MARK4: variants seen among roughly 807,000 people sequenced by gnomAD.
The protein encoded by MARK4 is MAP/microtubule affinity-regulating kinase 4.
In MARK4, 19 loss-of-function variants were observed where a neutral mutation model predicts 81.5. That is an observed-to-expected ratio of 0.23 (90% CI 0.16 to 0.34). MARK4 has a LOEUF of 0.34. Among genes scored for constraint, MARK4 ranks in the 10% least tolerant of loss-of-function variants. MARK4 has a pLI of 1.00. For synonymous variants in MARK4, 436 were observed against 439.0 expected (o/e 0.99, Z 0.08); for missense variants, 772 against 1,058.8 (o/e 0.73, Z 3.76).
chr19:45,256,858 T>C (rs936920677), intron 1 of MARK4, among the ~76,000 whole-genome samples: 7 of 152,248 alleles, frequency 4.6e-5, no homozygotes, highest in African/African-American at 1.4e-4. Flanking sequence ...TGTGCACAAT[T>C]TGTGTCTCTG....
At position 45,302,828 on chromosome 19, in the gene MARK4, A is replaced by G; in HGVS notation, c.*118A>G. 2.1e-6 allele frequency: 3 copies of G among 1,399,040 alleles called. No individual in the cohort carries two copies. The highest frequency in any genetic ancestry group is 1.4e-5 in the African/African-American group (1 of 69,294). The allele number at this position is 1,399,040 out of a possible 1,614,324, so 86.7% of individuals were successfully genotyped here. ...ATCATCACCTCAGTTTCCCTGAATTATATTTGGGGGCAAAGATTGTCCCCT... is the reference window on the plus strand; with the variant it reads ...ATCATCACCTCAGTTTCCCTGAATTGTATTTGGGGGCAAAGATTGTCCCCT... On this transcript the variant is annotated 3_prime_UTR_variant, in exon 17 of 17. Transcript: ENST00000262891. This position sits in a 1 kb window ranked among gnomAD's most constrained non-coding sequence, Gnocchi z 4.9.
At chr19:45,253,368 C>T (rs1015399679) in intron 1 of MARK4, among the ~76,000 whole-genome samples, 1 of 152,188 alleles carries the variant, frequency 6.6e-6, no homozygotes, top group African/African-American at 2.4e-5. Flanking sequence ...GCCAGGGGCT[C>T]CACAGTCCTG....
At chr19:45,273,434 G>A (rs1375296445) in intron 8 of MARK4, among the ~76,000 whole-genome samples, 1 of 152,198 alleles carries the variant, frequency 6.6e-6, no homozygotes, top group Non-Finnish European at 1.5e-5. Context: ...AAATACAGCA[G>A]TGGTATAATC....
intron 1 of MARK4, among the ~76,000 whole-genome samples, chr19:45,254,070 A>C (rs1435575420): frequency 6.6e-6 from 1 of 152,052 alleles, no homozygotes; most frequent in African/African-American, 2.4e-5. Flanking sequence ...GGGAGGTTGC[A>C]GCCCCCTCTC....
At chr19:45,257,414 C>CA (rs1970321400) in intron 1 of MARK4, among the ~76,000 whole-genome samples, 4 of 145,688 alleles carry the variant, frequency 2.7e-5, no homozygotes, top group Non-Finnish European at 6.0e-5. Flanking sequence ...GATGGAGTCC[C>CA]ACTCTGTCAC....
intron 1 of MARK4, among the ~76,000 whole-genome samples, chr19:45,256,632 G>A (rs1377682815): frequency 1.3e-5 from 2 of 152,328 alleles, no homozygotes; most frequent in Non-Finnish European, 1.5e-5. Flanking sequence ...TGGAGGAGGA[G>A]CCTCGAGTCC....
chr19:45,260,697 AAAAT>A lies in MARK4; in HGVS notation c.252+1530_252+1533del, dbSNP rs71173135. 5.4e-3 allele frequency among the ~76,000 whole-genome samples: 815 copies of A among 151,184 alleles called. 14 individuals carry two copies. The highest frequency in any genetic ancestry group is 0.018 in the African/African-American group (746 of 41,360). On this transcript the variant is annotated intron_variant, in intron 2 of 16. Coordinates refer to ENST00000262891, the MANE Select transcript of MARK4 (RefSeq NM_001199867.2). ...GGGTGACAGAGCAAGACCATCTCAA[AAAAT>A]AAATAAATAAATAAATAAATAGTAA...
chr19:45,297,684 C>G lies in MARK4; in HGVS notation c.1607C>G (p.Thr536Ser), dbSNP rs552947392. ...LPNGKENSSGTPRVPPASPSS... is the reference protein window; with the variant it reads ...LPNGKENSSGSPRVPPASPSS... ...TCTGTCTCTGCCCACAGCTCAGGCA[C>G]CCCACGGGTGCCCCCTGCCTCCCCC... Residue 536 changes from threonine (T) to serine (S), a missense_variant, in exon 15 of 17, where the codon ACC becomes AGC. Thr to Ser is a moderately conservative substitution (Grantham distance 58). Coordinates refer to ENST00000262891, the MANE Select transcript of MARK4 (RefSeq NM_001199867.2). 96 of 1,526,850 alleles carry G rather than the reference C, an allele frequency of 6.3e-5. No individual in the cohort carries two copies. The African/African-American group carries it at 1.1e-3, about 18-fold the overall frequency. The allele number at this position is 1,526,850 out of a possible 1,614,324, so 94.6% of individuals were successfully genotyped here.
chr19:45,298,214 C>G (rs1355723503), intron 15 of MARK4: 4 of 1,614,108 alleles, frequency 2.5e-6, no homozygotes, highest in Non-Finnish European at 3.4e-6. Context: ...CCCCAGGGAT[C>G]CAAGATCAGT....
chr19:45,303,028 C>A lies in MARK4; in HGVS notation c.*318C>A. 1 of 406,404 alleles carries A rather than the reference C, an allele frequency of 2.5e-6. No individual in the cohort carries two copies. The highest frequency in any genetic ancestry group is 4.4e-6 in the Non-Finnish European group (1 of 225,254). 25.2% of individuals were successfully genotyped at this position (406,404 alleles called of 1,614,324 possible). A position where few individuals can be genotyped will look rare whatever the true frequency, so the allele number is the denominator to read the frequency against. On this transcript the variant is annotated 3_prime_UTR_variant, in exon 17 of 17. Coordinates refer to ENST00000262891, the MANE Select transcript of MARK4 (RefSeq NM_001199867.2). ...AGGGAGGGAAACTGAGGAAATCTTC[C>A]ATTCCTCCCAACAGCTCAAAATTAG... is the stretch of plus-strand genomic sequence containing the variant.
chr19:45,280,181 T>C (rs1387891162), intron 10 of MARK4, 193 bp from the exon 11 acceptor site: 2 of 556,134 alleles, frequency 3.6e-6, no homozygotes, highest in Non-Finnish European at 6.4e-6. Context: ...AAACCCTGTC[T>C]CTACTGAAAA....
intron 13 of MARK4, among the ~76,000 whole-genome samples, 156 bp from the exon 14 acceptor site, chr19:45,294,193 C>G (rs1333659954): frequency 6.6e-6 from 1 of 152,148 alleles, no homozygotes; most frequent in African/African-American, 2.4e-5. Flanking sequence ...ATGAACCTTT[C>G]ACATCTTTGG....
intron 16 of MARK4, among the ~76,000 whole-genome samples, chr19:45,300,085 A>C (rs747210554): frequency 1.3e-5 from 2 of 152,210 alleles, no homozygotes; most frequent in Admixed American, 1.3e-4. Flanking sequence ...GCCATGGCCC[A>C]AGCCTGTAAT....
intron 14 of MARK4, among the ~76,000 whole-genome samples, chr19:45,296,368 A>G (rs1251157101): frequency 6.6e-6 from 1 of 152,248 alleles, no homozygotes; most frequent in Non-Finnish European, 1.5e-5. Flanking sequence ...GGACCCAGGT[A>G]AGTTCTTCCA....
chr19:45,258,853 A>G (rs1396111934), intron 1 of MARK4, 136 bp from the exon 2 acceptor site: 4 of 872,690 alleles, frequency 4.6e-6, no homozygotes, highest in African/African-American at 3.4e-5. Flanking sequence ...AAGATGAAGG[A>G]TGCTTGGCTC....
chr19:45,282,024 G>A (rs750522797), intron 12 of MARK4, among the ~76,000 whole-genome samples: 40 of 151,978 alleles, frequency 2.6e-4, no homozygotes, highest in South Asian at 6.2e-4. Flanking sequence ...GGGAGTTTGA[G>A]ACCGGCCTGG....
In MARK4 at chr19:45,270,896, G is replaced by A. The variant is rs538628294; in HGVS notation, c.550-576G>A. Among the ~76,000 whole-genome samples the A allele has an allele frequency of 2.2e-4, 33 of 152,282 alleles. No homozygotes were observed. In the South Asian group the frequency reaches 6.8e-3, roughly 32 times the overall value. On this transcript the variant is annotated intron_variant, in intron 7 of 16. Transcript: ENST00000262891. The stretch of plus-strand genomic sequence containing the variant: ...AGCAATTCTCCTGCCTCAGCCTCCC[G>A]AGTAGCTGGGATTATAGGCATGTGC...
intron 8 of MARK4, 78 bp from the exon 9 acceptor site, chr19:45,277,845 G>A: frequency 7.7e-7 from 1 of 1,293,922 alleles, no homozygotes; most frequent in South Asian, 1.4e-5. Flanking sequence ...GTGTGTGTGT[G>A]TGTGTGTGTG....
At chr19:45,264,347 C>A (rs1197466447) in intron 4 of MARK4, among the ~76,000 whole-genome samples, 1 of 151,852 alleles carries the variant, frequency 6.6e-6, no homozygotes, top group Non-Finnish European at 1.5e-5. Context: ...ATTAAAAATA[C>A]AAAATTAGCC....
Sources: gnomAD v4.1 joint callset for allele counts (sites outside exome capture counted in the v4.1 genomes callset) on GRCh38, gnomAD v4.1.1 for gene constraint, Gnocchi (gnomAD v3.1) non-coding constraint, MANE v1.5 for transcripts, NCBI Gene and HGNC (gene_info 2026-07-23, HGNC 2026-07-21) for gene names.